The following DDR2 variants were observed in gnomAD, a reference collection of about 807,000 sequenced individuals.
DDR2 encodes the protein discoidin domain receptor tyrosine kinase 2, also known as discoidin domain-containing receptor 2.
DDR2 carries 27 observed loss-of-function variants against 94.9 expected under a neutral mutation model. The ratio of observed to expected loss-of-function variants is 0.28; its 90% CI spans 0.21 to 0.39. DDR2 has a LOEUF of 0.39. Ranked by LOEUF, DDR2 falls within the 10% of genes least tolerant of loss-of-function variation. The pLI is 1.00. For synonymous variants in DDR2, 382 were observed against 377.2 expected (o/e 1.01, Z -0.15); for missense variants, 783 against 1,076.0 (o/e 0.73, Z 3.81).
intron 3 of DDR2, among the ~76,000 whole-genome samples, chr1:162,751,610 G>C (rs751402478): frequency 6.6e-5 from 10 of 152,158 alleles, no homozygotes; most frequent in South Asian, 2.1e-4. Context: ...AGATCTAGAA[G>C]TAGAAATACC....
At chr1:162,674,317 C>T (rs976912308) in intron 2 of DDR2, among the ~76,000 whole-genome samples, 4 of 152,112 alleles carry the variant, frequency 2.6e-5, no homozygotes, top group Non-Finnish European at 4.4e-5. Context: ...GGCTGCAATC[C>T]CAATGCAGAG....
At chr1:162,733,788 A>C (rs1243451389) in intron 3 of DDR2, among the ~76,000 whole-genome samples, 1 of 152,206 alleles carries the variant, frequency 6.6e-6, no homozygotes, top group Non-Finnish European at 1.5e-5. Context: ...AGTTGCTCAC[A>C]ATTTCAACAA....
At chr1:162,735,853 G>A (rs1412534878) in intron 3 of DDR2, among the ~76,000 whole-genome samples, 1 of 152,252 alleles carries the variant, frequency 6.6e-6, no homozygotes, top group Non-Finnish European at 1.5e-5. Flanking sequence ...CAGTACGTTA[G>A]AAGGAAAGTT....
At chr1:162,755,503 G>A (rs991007293) in intron 6 of DDR2, among the ~76,000 whole-genome samples, 161 bp from the exon 7 acceptor site, 11 of 152,168 alleles carry the variant, frequency 7.2e-5, no homozygotes, top group Non-Finnish European at 1.3e-4. Context: ...GAGTCATTAC[G>A]TTGACTGCCA....
At chr1:162,762,398 G>A (rs572699591) in intron 9 of DDR2, among the ~76,000 whole-genome samples, 1 of 152,206 alleles carries the variant, frequency 6.6e-6, no homozygotes, top group East Asian at 1.9e-4. Context: ...ATTTTATGCT[G>A]AACTTCATCA....
chr1:162,760,922 C>T (rs899131863), intron 8 of DDR2, among the ~76,000 whole-genome samples: 1 of 150,778 alleles, frequency 6.6e-6, no homozygotes, highest in East Asian at 2.0e-4. Flanking sequence ...TAGATACATA[C>T]ACACATATGT....
intron 2 of DDR2, among the ~76,000 whole-genome samples, chr1:162,673,575 A>G (rs1352631744): frequency 2.1e-5 from 3 of 139,552 alleles, no homozygotes; most frequent in Admixed American, 7.4e-5. Context: ...ATCTGTCATT[A>G]TGTGCGTGTG....
chr1:162,722,042 G>A (rs1661446372), intron 3 of DDR2, among the ~76,000 whole-genome samples: 2 of 152,218 alleles, frequency 1.3e-5, no homozygotes, highest in South Asian at 2.1e-4. Flanking sequence ...ATCAATCTTG[G>A]TGTCTCAGCA....
At chr1:162,779,536 T>C (rs1571329215) in intron 17 of DDR2, among the ~76,000 whole-genome samples, 1 of 152,176 alleles carries the variant, frequency 6.6e-6, no homozygotes, top group East Asian at 1.9e-4. Flanking sequence ...ATAGATAAGG[T>C]ATTGACAAGA....
At chr1:162,756,867 C>G (rs1382261767) in intron 7 of DDR2, among the ~76,000 whole-genome samples, 1 of 152,168 alleles carries the variant, frequency 6.6e-6, no homozygotes, top group African/African-American at 2.4e-5. Flanking sequence ...ATTCAAGGCA[C>G]AGAGGAAATC....
intron 2 of DDR2, among the ~76,000 whole-genome samples, chr1:162,656,539 G>A (rs747451944): frequency 6.6e-6 from 1 of 151,836 alleles, no homozygotes; most frequent in African/African-American, 2.4e-5. Context: ...CCCACAGATT[G>A]CCTTCAAATT....
Position 162,775,912 on chromosome 1 carries a change from G to A in DDR2, c.2048+69G>A, listed in dbSNP as rs191000531. On this transcript the variant is annotated intron_variant, in intron 15 of 17. Coordinates refer to ENST00000367921, the MANE Select transcript of DDR2 (RefSeq NM_006182.4). ...GTAACCTGGGATCTGAAAATAGGGAGCAGTGAGCCTTAAAGTGTATCAATG... is the reference window on the plus strand; with the variant it reads ...GTAACCTGGGATCTGAAAATAGGGAACAGTGAGCCTTAAAGTGTATCAATG... 1.5e-4 allele frequency: 242 copies of A among 1,588,190 alleles called. 1 individual carries two copies. In the African/African-American group the frequency reaches 2.9e-3, roughly 19 times the overall value.
chr1:162,662,261 A>G (rs962082078), intron 2 of DDR2, among the ~76,000 whole-genome samples: 1 of 152,198 alleles, frequency 6.6e-6, no homozygotes, highest in Non-Finnish European at 1.5e-5. Flanking sequence ...TTGAAAACCT[A>G]TTGTGTAACA....
At chr1:162,747,097 G>A (rs1308787097) in intron 3 of DDR2, among the ~76,000 whole-genome samples, 1 of 152,186 alleles carries the variant, frequency 6.6e-6, no homozygotes, top group Non-Finnish European at 1.5e-5. Flanking sequence ...CTAAAAATCA[G>A]AGCACCTCTT....
intron 2 of DDR2, among the ~76,000 whole-genome samples, chr1:162,704,619 C>G (rs1660580292): frequency 6.6e-6 from 1 of 152,190 alleles, no homozygotes; most frequent in Non-Finnish European, 1.5e-5. Flanking sequence ...ATGGCATGTT[C>G]TCACTGTGTC....
intron 1 of DDR2, among the ~76,000 whole-genome samples, chr1:162,652,658 A>T (rs758419665): frequency 6.6e-6 from 1 of 152,228 alleles, no homozygotes; most frequent in Non-Finnish European, 1.5e-5. Flanking sequence ...ACTATGTGGT[A>T]GGAACATTTT....
In DDR2 at chr1:162,642,448, G is replaced by GT. The variant is rs10601565; in HGVS notation, c.-192+9833dup. ...TCACCATGCCCGGCTAATTTTCTGT[G>GT]TTTTTTTTTTTTTTTTCTTTCAGTA... On this transcript the variant is annotated intron_variant, in intron 1 of 17. Transcript: ENST00000367921. Among the ~76,000 whole-genome samples the GT allele has an allele frequency of 3.1e-3, 428 of 137,242 alleles. 2 individuals are homozygous for GT. The highest frequency in any genetic ancestry group is 7.2e-3 in the African/African-American group (264 of 36,618). The allele number at this position is 137,242 out of a possible 152,430, so 90.0% of individuals were successfully genotyped here.
At chr1:162,778,476 T>G in intron 16 of DDR2, 104 bp from the exon 17 acceptor site, 1 of 1,409,614 alleles carries the variant, frequency 7.1e-7, no homozygotes, top group Non-Finnish European at 1.0e-6. Flanking sequence ...CAGAATTCCT[T>G]GCCTGTGGTG....
intron 3 of DDR2, among the ~76,000 whole-genome samples, chr1:162,747,186 T>C (rs1662916793): frequency 6.6e-6 from 1 of 152,146 alleles, no homozygotes; most frequent in East Asian, 1.9e-4. Flanking sequence ...ATGACAGAAG[T>C]AGGCTTAAAA....
Sources: allele counts gnomAD v4.1 joint callset (sites outside exome capture counted in the v4.1 genomes callset), GRCh38; gene constraint gnomAD v4.1.1; transcripts MANE v1.5; gene names NCBI Gene and HGNC (gene_info 2026-07-23, HGNC 2026-07-21).